Variants in ASAP1 observed in about 807,000 individuals in gnomAD.
ASAP1 encodes the protein arf-GAP with SH3 domain, ANK repeat and PH domain-containing protein 1.
Under a neutral mutation model 145.2 loss-of-function variants are expected in ASAP1, and 43 were observed. The observed-to-expected ratio is 0.30, with a 90% CI of 0.23 to 0.38. The LOEUF (loss-of-function observed/expected upper bound fraction) is 0.38, where lower values mean the gene tolerates loss of function less well. Ranked by LOEUF, ASAP1 falls within the 10% of genes least tolerant of loss-of-function variation. The pLI is 1.00. For missense variants in ASAP1, 1,018 were observed against 1,355.3 expected, an observed-to-expected ratio of 0.75 and a Z score of 3.91; for synonymous variants, 546 against 515.5, an observed-to-expected ratio of 1.06 and a Z score of -0.80.
At chr8:130,109,433 C>T (rs775662629) in intron 24 of ASAP1, among the ~76,000 whole-genome samples, 18 of 152,022 alleles carry the variant, frequency 1.2e-4, no homozygotes, top group African/African-American at 3.9e-4. Flanking sequence ...TTCTCCTCTT[C>T]GCTTTTGTGG....
intron 25 of ASAP1, 108 bp downstream of exon 25, chr8:130,091,865 G>T: frequency 8.3e-7 from 1 of 1,203,348 alleles, no homozygotes; most frequent in Non-Finnish European, 1.1e-6. Context: ...CCCAGCATGT[G>T]TGTGCATTTT....
rs187686882 is a variant in ASAP1 at position 130,156,289 on chromosome 8, T to C, written c.1011-3484A>G. 5.3e-5 allele frequency among the ~76,000 whole-genome samples: 8 copies of C among 152,364 alleles called. No homozygotes were observed. In the South Asian group the frequency reaches 1.4e-3, roughly 28 times the overall value. On this transcript the variant is annotated intron_variant, in intron 12 of 29. Transcript: ENST00000518721. ...GTATAAGCATTTCAATTTTTTACTC[T>C]TCCACAGAAGTCACAAGCAACTCCA...
intron 15 of ASAP1, among the ~76,000 whole-genome samples, chr8:130,129,707 T>C (rs1387424792): frequency 2.0e-5 from 3 of 152,156 alleles, no homozygotes; most frequent in East Asian, 1.9e-4. Context: ...AACCAAATTA[T>C]GTTTTTGGAG....
At chr8:130,209,022 G>C (rs911310199) in intron 5 of ASAP1, among the ~76,000 whole-genome samples, 1 of 152,122 alleles carries the variant, frequency 6.6e-6, no homozygotes, top group Non-Finnish European at 1.5e-5. Flanking sequence ...AAGAGAAATT[G>C]CAATTCCCCT....
At chr8:130,085,110 T>C (rs930793754) in intron 25 of ASAP1, among the ~76,000 whole-genome samples, 8 of 152,292 alleles carry the variant, frequency 5.3e-5, no homozygotes, top group Admixed American at 4.6e-4. Flanking sequence ...TGCAGACACT[T>C]CTCTAAATGC....
rs1293969456 is a variant in ASAP1 at position 130,153,351 on chromosome 8, ATATATATG to A, written c.1011-554_1011-547del. On this transcript the variant is annotated intron_variant, in intron 12 of 29. Transcript: ENST00000518721. ...TTTTTAAATATATATATATATATAT[ATATATATG>A]TATATATATATATATATATATATAT... Among the ~76,000 whole-genome samples the A allele has an allele frequency of 4.5e-3, 218 of 48,378 alleles. 2 individuals carry two copies. Among genetic ancestry groups the A allele is most frequent in the African/African-American group, 0.011 (189 of 16,924 alleles). 31.7% of individuals were successfully genotyped at this position (48,378 alleles called of 152,430 possible).
At chr8:130,355,635 G>A (rs1384534490) in intron 3 of ASAP1, among the ~76,000 whole-genome samples, 3 of 152,100 alleles carry the variant, frequency 2.0e-5, no homozygotes, top group Non-Finnish European at 2.9e-5. Flanking sequence ...CTTATATTGA[G>A]TGTGGTAATG....
chr8:130,247,886 AC>A (rs1818946215), intron 3 of ASAP1, among the ~76,000 whole-genome samples: 1 of 152,298 alleles, frequency 6.6e-6, no homozygotes, highest in African/African-American at 2.4e-5. Flanking sequence ...CATCATTTTC[AC>A]TAAAACTGAT....
In ASAP1 at chr8:130,271,716, A is replaced by T. The variant is rs536885232; in HGVS notation, c.187-34722T>A. Among the ~76,000 whole-genome samples the T allele has an allele frequency of 2.6e-5, 4 of 152,316 alleles. No individual in the cohort carries two copies. The East Asian group carries it at 7.7e-4, about 29-fold the overall frequency. On this transcript the variant is annotated intron_variant, in intron 3 of 29. Coordinates refer to ENST00000518721, the MANE Select transcript of ASAP1 (RefSeq NM_018482.4). ...CACCCACTGAACTAAACTTGCTTTC[A>T]TTACCAGGATTTCGTATCATTAGGA...
chr8:130,359,457 A>T (rs1386705230), intron 2 of ASAP1, among the ~76,000 whole-genome samples: 1 of 152,172 alleles, frequency 6.6e-6, no homozygotes, highest in Non-Finnish European at 1.5e-5. Flanking sequence ...GAAGAAAAAA[A>T]AAGCTAGGCC....
chr8:130,231,954 C>T (rs1294915198), intron 4 of ASAP1, among the ~76,000 whole-genome samples: 1 of 152,220 alleles, frequency 6.6e-6, no homozygotes, highest in African/African-American at 2.4e-5. Context: ...ATCAAGATGT[C>T]TGCCAGGGCT....
At position 130,159,722 on chromosome 8, in the gene ASAP1, G is replaced by A. The variant is rs181159379; in HGVS notation, c.1010+142C>T. Reference sequence around the variant, plus strand: ...TTCTAAAGAGAGCTGGTCAAATCTCGGATTTACTTGAAGAAAACCAGTGTG... The same window carrying A: ...TTCTAAAGAGAGCTGGTCAAATCTCAGATTTACTTGAAGAAAACCAGTGTG... On this transcript the variant is annotated intron_variant, in intron 12 of 29. Coordinates refer to ENST00000518721, the MANE Select transcript of ASAP1 (RefSeq NM_018482.4). The A allele has an allele frequency of 1.1e-4, 70 of 655,724 alleles. No individual in the cohort carries two copies. The East Asian group carries it at 1.7e-3, about 16-fold the overall frequency. 40.6% of individuals were successfully genotyped at this position (655,724 alleles called of 1,614,324 possible).
At chr8:130,297,399 A>G (rs927447270) in intron 3 of ASAP1, among the ~76,000 whole-genome samples, 2 of 152,208 alleles carry the variant, frequency 1.3e-5, no homozygotes, top group South Asian at 2.1e-4. Flanking sequence ...AAATCCACAT[A>G]TAAGTGGACC....
At chr8:130,436,987 C>A (rs1830334550) in intron 1 of ASAP1, among the ~76,000 whole-genome samples, 1 of 151,786 alleles carries the variant, frequency 6.6e-6, no homozygotes. Context: ...TGCCTGTAAT[C>A]CCAGCTACTC....
chr8:130,327,057 C>G (rs1824381989), intron 3 of ASAP1, among the ~76,000 whole-genome samples: 1 of 152,152 alleles, frequency 6.6e-6, no homozygotes, highest in Non-Finnish European at 1.5e-5. Flanking sequence ...GGAGCTTTCA[C>G]AGAGTTGGCA....
intron 12 of ASAP1, among the ~76,000 whole-genome samples, chr8:130,157,277 T>G (rs142443173): frequency 4.1e-4 from 63 of 152,330 alleles, no homozygotes; most frequent in African/African-American, 1.5e-3. Context: ...CTCCTTTTAC[T>G]TTCACAGCAG....
chr8:130,059,904 C>T (rs145362835), intron 28 of ASAP1, among the ~76,000 whole-genome samples: 358 of 151,502 alleles, frequency 2.4e-3, no homozygotes, highest in African/African-American at 8.5e-3. Flanking sequence ...ATGGCAAAAC[C>T]CCATCTCTAC....
chr8:130,224,209 C>A (rs1429996114), intron 4 of ASAP1, among the ~76,000 whole-genome samples: 1 of 152,102 alleles, frequency 6.6e-6, no homozygotes, highest in East Asian at 1.9e-4. Flanking sequence ...AAAATACTTA[C>A]CAGCAGCCAT....
intron 11 of ASAP1, among the ~76,000 whole-genome samples, chr8:130,162,241 A>C (rs1211982941): frequency 6.6e-6 from 1 of 152,218 alleles, no homozygotes; most frequent in African/African-American, 2.4e-5. Flanking sequence ...AAGCAAGAAG[A>C]GCAGCCTTCC....
Sources: gnomAD v4.1 joint callset for allele counts (sites outside exome capture counted in the v4.1 genomes callset) on GRCh38, gnomAD v4.1.1 for gene constraint, MANE v1.5 for transcripts, NCBI Gene and HGNC (gene_info 2026-07-23, HGNC 2026-07-21) for gene names.